The following PRKCE variants were observed in gnomAD, a reference collection of about 807,000 sequenced individuals.
PRKCE encodes the protein protein kinase C epsilon type.
PRKCE carries 16 observed loss-of-function variants against 85.4 expected under a neutral mutation model. The ratio of observed to expected loss-of-function variants is 0.19; its 90% confidence interval spans 0.13 to 0.28. The LOEUF (loss-of-function observed/expected upper bound fraction) is 0.28, where lower values mean the gene tolerates loss of function less well. Ranked by LOEUF, PRKCE falls within the 10% of genes least tolerant of loss-of-function variation. The probability of loss-of-function intolerance (pLI) is 1.00; values close to 1 mark genes in which losing one functional copy is unlikely to be tolerated. For synonymous variants in PRKCE, 388 were observed against 371.5 expected (o/e 1.04, Z -0.51); for missense variants, 573 against 975.2 (o/e 0.59, Z 5.49).
At chr2:45,867,201 A>G (rs1179318085) in intron 2 of PRKCE, among the ~76,000 whole-genome samples, 2 of 152,182 alleles carry the variant, frequency 1.3e-5, no homozygotes, top group Non-Finnish European at 2.9e-5. Context: ...AAGGCATTGG[A>G]AAGTGTCAAG....
intron 2 of PRKCE, among the ~76,000 whole-genome samples, chr2:45,953,380 A>G (rs1700753979): frequency 6.6e-6 from 1 of 152,190 alleles, no homozygotes. Flanking sequence ...CTCCCTGCCC[A>G]GGGCACTTTT....
chr2:45,808,950 C>G (rs935585298), intron 1 of PRKCE, among the ~76,000 whole-genome samples: 1 of 152,176 alleles, frequency 6.6e-6, no homozygotes, highest in African/African-American at 2.4e-5. Context: ...CTGTTGCCCT[C>G]TTCCTAAATT....
chr2:45,769,591 A>G (rs1357979513), intron 1 of PRKCE, among the ~76,000 whole-genome samples: 1 of 152,212 alleles, frequency 6.6e-6, no homozygotes, highest in East Asian at 1.9e-4. Context: ...TCTCACTGAT[A>G]TTAAGTTTGT....
In PRKCE at chr2:46,045,199, T is replaced by C. The variant is rs112707827; in HGVS notation, c.1437+34682T>C. Among the ~76,000 whole-genome samples, 506 of 152,324 alleles carry C rather than the reference T, an allele frequency of 3.3e-3. 3 individuals are homozygous for C. Among genetic ancestry groups the C allele is most frequent in the African/African-American group, 0.01 (425 of 41,572 alleles). ...GGAATTCCATTGGGGAACATTTAAT[T>C]TGAGTTACTTATGTGTATGTACACA... is the stretch of plus-strand genomic sequence containing the variant. On this transcript the variant is annotated intron_variant, in intron 10 of 14. Coordinates refer to ENST00000306156, the MANE Select transcript of PRKCE (RefSeq NM_005400.3).
intron 1 of PRKCE, among the ~76,000 whole-genome samples, chr2:45,801,000 C>G (rs1220618979): frequency 6.6e-6 from 1 of 152,072 alleles, no homozygotes; most frequent in Non-Finnish European, 1.5e-5. Context: ...CTCAACAAGT[C>G]TCAGAAGATG....
At chr2:45,982,697 G>T (rs1702990319) in intron 5 of PRKCE, among the ~76,000 whole-genome samples, 1 of 152,082 alleles carries the variant, frequency 6.6e-6, no homozygotes, top group East Asian at 1.9e-4. Flanking sequence ...TCTTTGTGTT[G>T]GTCTCTTGGT....
chr2:45,768,711 G>A (rs375106117), intron 1 of PRKCE, among the ~76,000 whole-genome samples: 82 of 152,298 alleles, frequency 5.4e-4, no homozygotes, highest in African/African-American at 1.7e-3. Flanking sequence ...TTTCACATGC[G>A]AGATGAAGGA....
At chr2:45,994,058 G>A (rs548419371) in intron 6 of PRKCE, among the ~76,000 whole-genome samples, 34 of 152,166 alleles carry the variant, frequency 2.2e-4, no homozygotes, top group African/African-American at 7.5e-4. Flanking sequence ...AGAGCATTAC[G>A]GAGATCTGGC....
At position 45,697,137 on chromosome 2, in the gene PRKCE, A is replaced by G. The variant is rs916295223; in HGVS notation, c.348+44689A>G. ...GGATGTTGTTCTAATACTTAGGAAC[A>G]TGCCTCCAAATAAGATGAAATGCTC... On this transcript the variant is annotated intron_variant, in intron 1 of 14. Coordinates refer to ENST00000306156, the MANE Select transcript of PRKCE (RefSeq NM_005400.3). The surrounding 1 kb of genome is among the most constrained non-coding windows in gnomAD (Gnocchi z 4.2). 1.8e-4 allele frequency among the ~76,000 whole-genome samples: 28 copies of G among 152,256 alleles called. No homozygotes were observed. The highest frequency in any genetic ancestry group is 6.8e-4 in the African/African-American group (28 of 41,474).
intron 1 of PRKCE, among the ~76,000 whole-genome samples, chr2:45,725,928 A>T (rs987542251): frequency 6.6e-6 from 1 of 152,196 alleles, no homozygotes; most frequent in Admixed American, 6.5e-5. Flanking sequence ...ATTTGGAGGA[A>T]GTTAATTCCA....
rs1373513768 is a variant in PRKCE at position 46,184,562 on chromosome 2, G to C, written c.2068-173G>C. On this transcript the variant is annotated intron_variant, in intron 14 of 14. Transcript: ENST00000306156. The surrounding 1 kb of genome is among the most constrained non-coding windows in gnomAD (Gnocchi z 5.0). ...CTTCCTCTCCTCGTCTCTCACCTCC[G>C]GGTCCTGGGGCCATCCATCGTTACC... Among the ~76,000 whole-genome samples, 2 of 151,872 alleles carry C rather than the reference G, an allele frequency of 1.3e-5. No individual in the cohort carries two copies. The highest frequency in any genetic ancestry group is 2.9e-5 in the Non-Finnish European group (2 of 67,988).
chr2:46,149,390 T>G (rs1676385439), intron 12 of PRKCE, among the ~76,000 whole-genome samples: 1 of 152,144 alleles, frequency 6.6e-6, no homozygotes, highest in South Asian at 2.1e-4. Flanking sequence ...TAAAATTCTT[T>G]ATAGAATTAT....
intron 2 of PRKCE, among the ~76,000 whole-genome samples, chr2:45,854,997 C>G (rs1216867993): frequency 6.6e-6 from 1 of 152,202 alleles, no homozygotes. Flanking sequence ...GTAGGGAGCT[C>G]TCCATCTCTG....
chr2:45,652,311 A>G lies in PRKCE; in HGVS notation c.211A>G (p.Thr71Ala). ...NSPAWHDEFV[T>A]DVCNGRKIEL... The stretch of plus-strand genomic sequence containing the variant: ...CCCGGCCTGGCACGACGAGTTCGTC[A>G]CCGATGTGTGCAACGGACGCAAGAT... Residue 71 changes from threonine to alanine, a missense_variant, in exon 1 of 15, where the codon ACC (threonine) becomes GCC (alanine). Physicochemically the swap from Thr to Ala is moderately conservative, Grantham distance 58. Transcript: ENST00000306156. This position sits in a 1 kb window ranked among gnomAD's most constrained non-coding sequence, Gnocchi z 7.7. The G allele has an allele frequency of 3.1e-6, 5 of 1,613,690 alleles. No individual in the cohort carries two copies. Among genetic ancestry groups the G allele is most frequent in the Non-Finnish European group, 4.2e-6 (5 of 1,179,984 alleles).
rs147174689 is a variant in PRKCE at position 46,065,470 on chromosome 2, T to C, written c.1438-20738T>C. ...ATCTTCTCATTTGTCCGGTTAAGCT[T>C]GAGTCAGAAAAAGAACACAACAATT... On this transcript the variant is annotated intron_variant, in intron 10 of 14. Coordinates refer to ENST00000306156, the MANE Select transcript of PRKCE (RefSeq NM_005400.3). 2.5e-3 allele frequency among the ~76,000 whole-genome samples: 377 copies of C among 152,308 alleles called. 5 individuals are homozygous for C. The highest frequency in any genetic ancestry group is 8.3e-3 in the African/African-American group (346 of 41,570).
chr2:45,662,091 G>A (rs1243118051), intron 1 of PRKCE, among the ~76,000 whole-genome samples: 4 of 152,108 alleles, frequency 2.6e-5, no homozygotes, highest in Non-Finnish European at 4.4e-5. Context: ...TAATCAGACT[G>A]ACTGAGTCTG....
At chr2:45,885,310 G>T (rs945868197) in intron 2 of PRKCE, among the ~76,000 whole-genome samples, 2 of 152,070 alleles carry the variant, frequency 1.3e-5, no homozygotes, top group African/African-American at 4.8e-5. Flanking sequence ...TGTGTGTCTG[G>T]AGGGAAGGGA....
intron 2 of PRKCE, among the ~76,000 whole-genome samples, chr2:45,915,357 T>C (rs1266895376): frequency 6.6e-6 from 1 of 152,248 alleles, no homozygotes; most frequent in Non-Finnish European, 1.5e-5. Context: ...CATCTGTTCT[T>C]AGCTTCTAAG....
chr2:45,908,371 G>C lies in PRKCE; in HGVS notation c.412+65308G>C, dbSNP rs542110531. Among the ~76,000 whole-genome samples the C allele has an allele frequency of 5.3e-5, 8 of 152,214 alleles. No individual in the cohort carries two copies. The South Asian group carries it at 6.2e-4, about 12-fold the overall frequency. On this transcript the variant is annotated intron_variant, in intron 2 of 14. Transcript: ENST00000306156. The stretch of plus-strand genomic sequence containing the variant: ...AAACGGACCAGGAGCAAGGACCCTA[G>C]GGTTTAGAGACTTGAAGACCCAGTC...
Sources: allele counts gnomAD v4.1 joint callset (sites outside exome capture counted in the v4.1 genomes callset), GRCh38; gene constraint gnomAD v4.1.1; non-coding constraint Gnocchi (gnomAD v3.1); transcripts MANE v1.5; gene names NCBI Gene and HGNC (gene_info 2026-07-23, HGNC 2026-07-21).